Variants in UMAD1 observed in about 807,000 individuals in gnomAD.
UMAD1 encodes UBAP1-MVB12-associated (UMA) domain containing 1.
UMAD1 carries 8 observed loss-of-function variants against 6.1 expected under a neutral mutation model. That is an observed-to-expected ratio of 1.30 (90% CI 0.76 to 2.35). The LOEUF (loss-of-function observed/expected upper bound fraction) is 2.35, where lower values mean the gene tolerates loss of function less well. Ranked by LOEUF, UMAD1 falls within the 30% of genes most tolerant of loss-of-function variation. UMAD1 has a pLI of 0.00. For synonymous variants in UMAD1, 56 were observed against 31.4 expected (o/e 1.78, Z -2.61); for missense variants, 130 against 78.4 (o/e 1.66, Z -2.49).
chr7:7,699,055 G>C (rs1028038149), intron 2 of UMAD1, among the ~76,000 whole-genome samples: 2 of 150,890 alleles, frequency 1.3e-5, no homozygotes, highest in Non-Finnish European at 3.0e-5. Flanking sequence ...TGTGTGGGGG[G>C]GGGGTAGATA....
At chr7:7,732,295 A>G (rs1488014518) in intron 2 of UMAD1, among the ~76,000 whole-genome samples, 2 of 152,080 alleles carry the variant, frequency 1.3e-5, no homozygotes, top group African/African-American at 2.4e-5. Context: ...AACTTCTATA[A>G]TCAATAAATT....
At chr7:7,720,959 C>T (rs910685113) in intron 2 of UMAD1, among the ~76,000 whole-genome samples, 1 of 152,166 alleles carries the variant, frequency 6.6e-6, no homozygotes, top group African/African-American at 2.4e-5. Flanking sequence ...GTGGGCCCTC[C>T]TCCTTCACTG....
intron 3 of UMAD1, among the ~76,000 whole-genome samples, chr7:7,816,410 G>A (rs78272435): frequency 0.019 from 2,858 of 152,324 alleles, 32 homozygotes; most frequent in Non-Finnish European, 0.029. Flanking sequence ...ACTAAACTGA[G>A]TGTTCTATAA....
At chr7:7,650,653 C>G (rs1016682534) in intron 1 of UMAD1, among the ~76,000 whole-genome samples, 2 of 152,158 alleles carry the variant, frequency 1.3e-5, no homozygotes, top group Non-Finnish European at 2.9e-5. Flanking sequence ...ATAAGTAAAA[C>G]AAAGTTTAAG....
chr7:7,739,675 A>C (rs1339468024), intron 2 of UMAD1, among the ~76,000 whole-genome samples: 3 of 152,232 alleles, frequency 2.0e-5, no homozygotes. Context: ...GTCAAAAAGC[A>C]CTTAATATTT....
chr7:7,730,869 G>T (rs780088543), intron 2 of UMAD1, among the ~76,000 whole-genome samples: 2 of 151,460 alleles, frequency 1.3e-5, no homozygotes, highest in African/African-American at 4.9e-5. Context: ...AGGGGCAGTA[G>T]TCGGAGTGGA....
At chr7:7,811,428 C>A (rs957694228) in intron 3 of UMAD1, among the ~76,000 whole-genome samples, 1 of 152,138 alleles carries the variant, frequency 6.6e-6, no homozygotes, top group East Asian at 1.9e-4. Context: ...ATTTCTCCAA[C>A]CTTTATTTTC....
At chr7:7,660,891 A>C (rs1206659068) in intron 1 of UMAD1, among the ~76,000 whole-genome samples, 1 of 152,154 alleles carries the variant, frequency 6.6e-6, no homozygotes, top group Non-Finnish European at 1.5e-5. Context: ...TATCCTGAAG[A>C]GTGTTTTCCA....
intron 3 of UMAD1, among the ~76,000 whole-genome samples, chr7:7,841,137 T>C (rs75916650): frequency 2.6e-5 from 4 of 152,280 alleles, no homozygotes; most frequent in Non-Finnish European, 4.4e-5. Context: ...CCCAAATTAC[T>C]TCGTGTGCAT....
intron 2 of UMAD1, among the ~76,000 whole-genome samples, chr7:7,774,457 T>G (rs1782161365): frequency 6.6e-6 from 1 of 152,170 alleles, no homozygotes; most frequent in East Asian, 1.9e-4. Flanking sequence ...TCTTCATGTA[T>G]AGAGTGGAAC....
At chr7:7,653,458 C>T (rs1278598736) in intron 1 of UMAD1, among the ~76,000 whole-genome samples, 2 of 152,156 alleles carry the variant, frequency 1.3e-5, no homozygotes, top group African/African-American at 4.8e-5. Context: ...TGCTAGTTAG[C>T]ATCCTTCTTT....
intron 3 of UMAD1, among the ~76,000 whole-genome samples, chr7:7,834,333 A>T (rs751847711): frequency 6.6e-6 from 1 of 151,866 alleles, no homozygotes; most frequent in Non-Finnish European, 1.5e-5. Context: ...TATCCCTAAC[A>T]TTTCTAGATA....
chr7:7,848,563 C>T (rs1783854124), intron 3 of UMAD1, among the ~76,000 whole-genome samples: 1 of 152,044 alleles, frequency 6.6e-6, no homozygotes. Context: ...GAGGATATGC[C>T]AAATCAAGCT....
At position 7,685,480 on chromosome 7, in the gene UMAD1, T is replaced by G. The variant is rs545178639; in HGVS notation, c.82+12027T>G. Among the ~76,000 whole-genome samples the G allele has an allele frequency of 5.9e-5, 9 of 152,224 alleles. No homozygotes were observed. The South Asian group carries it at 6.2e-4, about 11-fold the overall frequency. The stretch of plus-strand genomic sequence containing the variant: ...GTGCGCCACCACGCCCACCAAGTTT[T>G]GTATTTTTAGTAGAGAAGGAGTTTC... On this transcript the variant is annotated intron_variant, in intron 2 of 3. Coordinates refer to ENST00000682710, the MANE Select transcript of UMAD1 (RefSeq NM_001302348.2).
chr7:7,667,923 C>T (rs1417175847), intron 1 of UMAD1, among the ~76,000 whole-genome samples: 1 of 152,008 alleles, frequency 6.6e-6, no homozygotes, highest in Non-Finnish European at 1.5e-5. Context: ...TAGTTTTTCA[C>T]TTCAGTTCTT....
In UMAD1 at chr7:7,721,946, A is replaced by C. The variant is rs865775267; in HGVS notation, c.82+48493A>C. 2.4e-4 allele frequency among the ~76,000 whole-genome samples: 37 copies of C among 152,224 alleles called. No homozygotes were observed. In the Middle Eastern group the frequency reaches 0.01, roughly 42 times the overall value. The stretch of plus-strand genomic sequence containing the variant: ...TGCCCGCTTGGCTGGGATATAAAGC[A>C]GGCAGGAAAACGTGAAAAGGCTAGA... On this transcript the variant is annotated intron_variant, in intron 2 of 3. Coordinates refer to ENST00000682710, the MANE Select transcript of UMAD1 (RefSeq NM_001302348.2).
chr7:7,666,134 G>C (rs532765279), intron 1 of UMAD1, among the ~76,000 whole-genome samples: 2 of 152,134 alleles, frequency 1.3e-5, no homozygotes, highest in African/African-American at 4.8e-5. Context: ...GTGTACAAGA[G>C]TTCCAGTTGC....
chr7:7,770,351 G>A (rs66659688), intron 2 of UMAD1, among the ~76,000 whole-genome samples: 21,591 of 152,016 alleles, frequency 0.14, 1,815 homozygotes, highest in African/African-American at 0.24. Context: ...ACCTTGCTCT[G>A]TTTATCATTG....
chr7:7,782,355 A>G (rs1443949296), intron 2 of UMAD1, among the ~76,000 whole-genome samples: 1 of 152,112 alleles, frequency 6.6e-6, no homozygotes, highest in African/African-American at 2.4e-5. Context: ...TTCTTACAGC[A>G]TGTATTCATC....
Sources: gnomAD v4.1 joint callset for allele counts (sites outside exome capture counted in the v4.1 genomes callset) on GRCh38, gnomAD v4.1.1 for gene constraint, MANE v1.5 for transcripts, NCBI Gene and HGNC (gene_info 2026-07-23, HGNC 2026-07-21) for gene names.